The following KLK12 variants were observed in gnomAD, a reference collection of about 807,000 sequenced individuals.
KLK12 encodes the protein kallikrein-12.
KLK12 carries 23 observed loss-of-function variants against 20.0 expected under a neutral mutation model. The observed-to-expected ratio is 1.15, with a 90% CI of 0.83 to 1.63. KLK12 has a LOEUF of 1.63. KLK12 is among the 40% of genes most tolerant of loss of function. KLK12 has a pLI of 0.00. For synonymous variants in KLK12, 147 were observed against 141.9 expected, an observed-to-expected ratio of 1.04 and a Z score of -0.25; for missense variants, 351 against 338.6, an observed-to-expected ratio of 1.04 and a Z score of -0.29.
chr19:51,034,484 C>A, intron 2 of KLK12, 101 bp downstream of exon 2: 2 of 1,544,672 alleles, frequency 1.3e-6, no homozygotes, highest in Non-Finnish European at 1.7e-6. Flanking sequence ...CACCACCAGG[C>A]TGGGGGCCAG....
chr19:51,032,381 CTTTTTTTTT>C (rs869282785), intron 3 of KLK12, among the ~76,000 whole-genome samples: 4 of 115,286 alleles, frequency 3.5e-5, no homozygotes, highest in Non-Finnish European at 7.1e-5. Context: ...TCTCTCTCTC[CTTTTTTTTT>C]TTTTTTTTTT....
At chr19:51,032,625 G>A (rs899474274) in intron 3 of KLK12, among the ~76,000 whole-genome samples, 2 of 151,834 alleles carry the variant, frequency 1.3e-5, no homozygotes, top group Non-Finnish European at 2.9e-5. Context: ...GACCTCAAGT[G>A]ATCCGCCCGC....
At position 51,031,863 on chromosome 19, in the gene KLK12, C is replaced by A. The variant is rs1467526110; in HGVS notation, c.457+13G>T. On this transcript the variant is annotated intron_variant, in intron 4 of 5. Coordinates refer to ENST00000684732, the MANE Select transcript of KLK12 (RefSeq NM_001370125.1). ...CCATCCTGACCCCTGACCCCTGGCC[C>A]TGGGCCCCTTACTCCGTGGGTGGTT... 6.2e-7 allele frequency: 1 copy of A among 1,613,304 alleles called. No homozygotes were observed. Among genetic ancestry groups the A allele is most frequent in the Non-Finnish European group, 8.5e-7 (1 of 1,179,886 alleles).
At chr19:51,031,595 C>CATACATATATATATAT (rs6146546) in intron 4 of KLK12, among the ~76,000 whole-genome samples, 10,117 of 120,388 alleles carry the variant, frequency 0.084, 697 homozygotes, top group Non-Finnish European at 0.11. Context: ...CCTATACATA[C>CATACATATATATATAT]ATATATATAT....
Position 51,033,964 on chromosome 19 carries a change from C to G in KLK12, c.197+16G>C. 4 of 1,609,288 alleles carry G rather than the reference C, an allele frequency of 2.5e-6. No individual in the cohort carries two copies. The highest frequency in any genetic ancestry group is 3.4e-6 in the Non-Finnish European group (4 of 1,178,516). On this transcript the variant is annotated intron_variant, in intron 3 of 5. Transcript: ENST00000684732. ...TCCCATAGTCCTCCCTTCGCCCACCCCAGGAAGGGACTTACCTGCCGCTGC... is the reference window on the plus strand; with the variant it reads ...TCCCATAGTCCTCCCTTCGCCCACCGCAGGAAGGGACTTACCTGCCGCTGC...
At position 51,029,251 on chromosome 19, in the gene KLK12, G is replaced by T. The variant is rs763084114; in HGVS notation, c.*51C>A. ...TGGAGGAGATATTGGTGCTCTGAGG[G>T]CCAGAGGGGTACCCAAGTTAAGGGG... On this transcript the variant is annotated 3_prime_UTR_variant, in exon 6 of 6. Transcript: ENST00000684732. 2.5e-6 allele frequency: 4 copies of T among 1,613,950 alleles called. No individual in the cohort carries two copies. The highest frequency in any genetic ancestry group is 3.3e-5 in the Admixed American group (2 of 59,994).
chr19:51,033,680 G>A (rs1198855198), intron 3 of KLK12, among the ~76,000 whole-genome samples: 1 of 152,138 alleles, frequency 6.6e-6, no homozygotes, highest in Non-Finnish European at 1.5e-5. Context: ...GCCCAGACTG[G>A]GTCAAGGAAT....
chr19:51,034,937 T>C lies in KLK12; in HGVS notation c.-151A>G. On this transcript the variant is annotated 5_prime_UTR_variant, in exon 1 of 6. Transcript: ENST00000684732. ...CCACTCCGCCAGCCAACTCTACCAC[T>C]CTGCACCTGGCTCCTCAGCCACCTG... is the stretch of plus-strand genomic sequence containing the variant. 8.0e-7 allele frequency: 1 copy of C among 1,255,764 alleles called. No individual in the cohort carries two copies. Among genetic ancestry groups the C allele is most frequent in the South Asian group, 1.9e-5 (1 of 53,094 alleles). 77.8% of individuals were successfully genotyped at this position (1,255,764 alleles called of 1,614,324 possible).
Position 51,029,318 on chromosome 19 carries a change from A to G in KLK12, c.731T>C (p.Ile244Thr), listed in dbSNP as rs745337568. ...ICKYVDWIRM[I>T]MRNN ...GGAAACAGGTCAGTTGTTCCTCATGATCATCCGGATCCAGTCCACATACTT... is the reference window on the plus strand; with the variant it reads ...GGAAACAGGTCAGTTGTTCCTCATGGTCATCCGGATCCAGTCCACATACTT... The change falls in exon 6 of 6, where the codon ATC becomes ACC. Residue 244 changes from isoleucine (I) to threonine (T), a missense_variant. Physicochemically the swap from Ile to Thr is moderately conservative, Grantham distance 89 (BLOSUM62 -1). Coordinates refer to ENST00000684732, the MANE Select transcript of KLK12 (RefSeq NM_001370125.1). The G allele has an allele frequency of 3.7e-6, 6 of 1,614,024 alleles. No individual in the cohort carries two copies. The highest frequency in any genetic ancestry group is 2.2e-5 in the East Asian group (1 of 44,880).
intron 4 of KLK12, among the ~76,000 whole-genome samples, chr19:51,031,215 G>A (rs2091554159): frequency 6.6e-6 from 1 of 152,054 alleles, no homozygotes; most frequent in Admixed American, 6.6e-5. Flanking sequence ...CCTCTTCAAT[G>A]CCAGCTACTG....
Position 51,031,977 on chromosome 19 carries a change from C to T in KLK12, c.356G>A (p.Arg119His), listed in dbSNP as rs145107386. Residue 119 changes from arginine to histidine, a missense_variant, in exon 4 of 6, where the codon CGC (arginine) becomes CAC (histidine). Transcript: ENST00000684732. ...CAGGGGTTGAACGCTGCTGGTTACG[C>T]GGACGGGCAGGCGCAGCCGCAGCAG... ...LRLLRLRLPV[R>H]VTSSVQPLPL... 7 of 1,613,030 alleles carry T rather than the reference C, an allele frequency of 4.3e-6. No homozygotes were observed. The highest frequency in any genetic ancestry group is 3.3e-5 in the Admixed American group (2 of 59,952).
chr19:51,032,491 A>G (rs2122614902), intron 3 of KLK12, among the ~76,000 whole-genome samples: 1 of 150,186 alleles, frequency 6.7e-6, no homozygotes, highest in Non-Finnish European at 1.5e-5. Context: ...GGTTCAAGCA[A>G]TTCACCTGCC....
At chr19:51,030,957 A>G (rs1213526319) in intron 4 of KLK12, 36 bp from the exon 5 acceptor site, 2 of 1,613,316 alleles carry the variant, frequency 1.2e-6, no homozygotes, top group East Asian at 4.5e-5. Context: ...GGGTCCCCTA[A>G]ATCTCCCCAC....
At chr19:51,030,082 G>A (rs1359809369) in intron 5 of KLK12, 1 of 159,354 alleles carries the variant, frequency 6.3e-6, no homozygotes, top group Non-Finnish European at 1.4e-5. Context: ...TCTCAGTCTG[G>A]GACAGCACCA....
chr19:51,034,075 C>T lies in KLK12; in HGVS notation c.102G>A (p.Pro34=), dbSNP rs375319599. The part of the protein sequence containing the change: ...NGTECGRNSQ[P]WQVGLFEGTS... ...TGCCCTCAAACAGCCCCACCTGCCA[C>T]GGCTGTGAGTTACGCCCACACTCAG... Residue 34 remains proline (P), a synonymous_variant, in exon 3 of 6, where the codon CCG becomes CCA. Coordinates refer to ENST00000684732, the MANE Select transcript of KLK12 (RefSeq NM_001370125.1). 88 of 1,577,352 alleles carry T rather than the reference C, an allele frequency of 5.6e-5. No homozygotes were observed. The highest frequency in any genetic ancestry group is 6.3e-5 in the Non-Finnish European group (73 of 1,160,982).
At chr19:51,031,031 G>T (rs1162815569) in intron 4 of KLK12, 110 bp from the exon 5 acceptor site, 2 of 1,257,974 alleles carry the variant, frequency 1.6e-6, no homozygotes, top group South Asian at 2.4e-5. Flanking sequence ...GCCCCTCACC[G>T]ACCTGTACTA....
intron 5 of KLK12, among the ~76,000 whole-genome samples, chr19:51,030,320 C>CATTATGATT (rs1555789182): frequency 2.2e-5 from 3 of 134,688 alleles, no homozygotes; most frequent in Non-Finnish European, 4.7e-5. Flanking sequence ...GCCTCTCCTC[C>CATTATGATT]ATTATTATTA....
chr19:51,030,964 C>T, intron 4 of KLK12, 43 bp from the exon 5 acceptor site: 1 of 1,613,320 alleles, frequency 6.2e-7, no homozygotes, highest in Non-Finnish European at 8.5e-7. Flanking sequence ...CTAAATCTCC[C>T]CACTTTGAGG....
Position 51,029,390 on chromosome 19 carries a change from C to T in KLK12, c.659G>A (p.Gly220Glu). The change falls in exon 6 of 6, where the codon GGG becomes GAG. Residue 220 changes from glycine to glutamate, a missense_variant. Transcript: ENST00000684732. ...LQGLVSWGSV[G>E]PCGQDGIPGV... The stretch of plus-strand genomic sequence containing the variant: ...AGGGATGCCATCTTGTCCACAGGGC[C>T]CCACAGACCCCCAGGACACCAGACC... The T allele has an allele frequency of 1.2e-6, 2 of 1,613,790 alleles. No individual in the cohort carries two copies. The highest frequency in any genetic ancestry group is 1.7e-6 in the Non-Finnish European group (2 of 1,179,740).
Sources: allele counts gnomAD v4.1 joint callset (sites outside exome capture counted in the v4.1 genomes callset), GRCh38; gene constraint gnomAD v4.1.1; transcripts MANE v1.5; gene names NCBI Gene and HGNC (gene_info 2026-07-23, HGNC 2026-07-21).